GRIP2: variants seen among roughly 807,000 people sequenced by gnomAD.
GRIP2 encodes glutamate receptor interacting protein 2.
Under a neutral mutation model 108.3 loss-of-function variants are expected in GRIP2, and 58 were observed. The observed-to-expected ratio is 0.54, with a 90% CI of 0.43 to 0.67. GRIP2 has a LOEUF of 0.67. Ranked by LOEUF, GRIP2 falls within the 30% of genes least tolerant of loss-of-function variation. The pLI, the probability that GRIP2 is intolerant of heterozygous loss-of-function variation, is 0.00. For missense variants in GRIP2, 1,278 were observed against 1,430.6 expected, an observed-to-expected ratio of 0.89 and a Z score of 1.72; for synonymous variants, 586 against 598.2, an observed-to-expected ratio of 0.98 and a Z score of 0.30.
rs1694924030 is a variant in GRIP2, at chr3:14,540,004, GC to G, written c.40+264del. ...CCTTCCCCCTACAAGGCTGAGCACT[GC>G]CCTCGGAACCTCCAGACCCGCCTGT... On this transcript the variant is annotated intron_variant, in intron 1 of 23. Coordinates refer to ENST00000621039, the MANE Select transcript of GRIP2 (RefSeq NM_001080423.4). The surrounding 1 kb of genome is among the most constrained non-coding windows in gnomAD (Gnocchi z 4.1). 6.6e-6 allele frequency among the ~76,000 whole-genome samples: 1 copy of G among 152,112 alleles called. No homozygotes were observed. Among genetic ancestry groups the G allele is most frequent in the African/African-American group, 2.4e-5 (1 of 41,424 alleles).
the GRIP2 span, among the ~76,000 whole-genome samples, chr3:14,599,100 C>T: frequency 3.9e-5 from 6 of 152,328 alleles, no homozygotes; most frequent in South Asian, 8.3e-4. Flanking sequence ...TTGTCTCCCC[C>T]TCTAGAATGT....
Position 14,507,732 on chromosome 3 carries a change from G to A in GRIP2, c.2079-32C>T, listed in dbSNP as rs376992580. 1.3e-4 allele frequency: 213 copies of A among 1,600,404 alleles called. No individual in the cohort carries two copies. The highest frequency in any genetic ancestry group is 1.7e-4 in the Non-Finnish European group (204 of 1,168,630). On this transcript the variant is annotated intron_variant, in intron 17 of 23. Transcript: ENST00000621039. The surrounding 1 kb of genome is among the most constrained non-coding windows in gnomAD (Gnocchi z 4.6). ...AGTGGATGCAGGGCAGAGAATGGGAGTTAGACACTCAGGGCCTCAGAGTGG... is the reference window on the plus strand; with the variant it reads ...AGTGGATGCAGGGCAGAGAATGGGAATTAGACACTCAGGGCCTCAGAGTGG...
rs552499824 is a variant in GRIP2, at chr3:14,511,852, G to A, written c.1721-373C>T. On this transcript the variant is annotated intron_variant, in intron 14 of 23. Transcript: ENST00000621039. The surrounding 1 kb of genome is among the most constrained non-coding windows in gnomAD (Gnocchi z 4.1). The stretch of plus-strand genomic sequence containing the variant: ...TTGGTGTCTGTGTCCCCAGCACCGG[G>A]CTCAGGGCCAGCACCCAGGCTCTAT... 2.1e-4 allele frequency among the ~76,000 whole-genome samples: 32 copies of A among 152,316 alleles called. No individual in the cohort carries two copies. The highest frequency in any genetic ancestry group is 3.9e-4 in the Admixed American group (6 of 15,304).
At chr3:14,545,172 C>T (rs1313553855), upstream of GRIP2, among the ~76,000 whole-genome samples, 2 of 152,206 alleles carry the variant, frequency 1.3e-5, no homozygotes, top group Admixed American at 6.5e-5. Context: ...TTAACATAAT[C>T]GGAGCAGAGA....
chr3:14,573,163 G>A, the GRIP2 span: 1 of 1,435,644 alleles, frequency 7.0e-7, no homozygotes, highest in South Asian at 1.1e-5. Context: ...ACCACAGCCA[G>A]CAGCTTGAAG....
At chr3:14,594,994 T>TCAAGTGACGTTCC in the GRIP2 span, among the ~76,000 whole-genome samples, 1 of 152,190 alleles carries the variant, frequency 6.6e-6, no homozygotes, top group Admixed American at 6.5e-5. Flanking sequence ...ACTCCTGGGC[T>TCAAGTGACGTTCC]CAAGTGACGT....
At chr3:14,594,255 G>T in the GRIP2 span, among the ~76,000 whole-genome samples, 1 of 152,214 alleles carries the variant, frequency 6.6e-6, no homozygotes, top group Admixed American at 6.5e-5. Context: ...CTCTTTCACA[G>T]TCTTGCTAAA....
the GRIP2 span, chr3:14,574,665 T>C: frequency 6.2e-6 from 4 of 641,674 alleles, no homozygotes. Context: ...ATTCGTGTTT[T>C]CCGCCAGAAA....
At chr3:14,496,957 G>A (rs1393528523) in intron 21 of GRIP2, among the ~76,000 whole-genome samples, 5 of 137,310 alleles carry the variant, frequency 3.6e-5, no homozygotes, top group Non-Finnish European at 6.1e-5. Context: ...CCAAAGTCAA[G>A]ACTCTTTTTT....
At chr3:14,589,120 T>C in the GRIP2 span, among the ~76,000 whole-genome samples, 1 of 151,786 alleles carries the variant, frequency 6.6e-6, no homozygotes, top group African/African-American at 2.4e-5. Flanking sequence ...AACAGCCTTC[T>C]TGGGGAGCCA....
chr3:14,496,447 C>G lies in GRIP2; in HGVS notation c.2793G>C (p.Leu931=). 6.2e-7 allele frequency: 1 copy of G among 1,612,740 alleles called. No homozygotes were observed. Among genetic ancestry groups the G allele is most frequent in the Non-Finnish European group, 8.5e-7 (1 of 1,179,356 alleles). Residue 931 remains leucine, a synonymous_variant, in exon 22 of 24, where the codon CTG becomes CTC. Coordinates refer to ENST00000621039, the MANE Select transcript of GRIP2 (RefSeq NM_001080423.4). ...GCATCTCCAAGGGTGTAGGCAGCAA[C>G]AGCTCCTCCATTTCTGCAGGAGAGG... The part of the protein sequence containing the change: ...VRASPAEMEE[L]LLPTPLEMHK...
intron 9 of GRIP2, among the ~76,000 whole-genome samples, chr3:14,519,489 C>A (rs1272805413): frequency 6.6e-6 from 1 of 152,254 alleles, no homozygotes; most frequent in East Asian, 1.9e-4. Flanking sequence ...ACTTGTCCAG[C>A]TGCTGGGAGC....
chr3:14,525,496 G>A lies in GRIP2; in HGVS notation c.198C>T (p.Gly66=), dbSNP rs763359053. 4.8e-5 allele frequency: 77 copies of A among 1,613,556 alleles called. No individual in the cohort carries two copies. The highest frequency in any genetic ancestry group is 6.4e-5 in the Non-Finnish European group (75 of 1,179,850). ...CCCTGGGCTTTCCATCCTTGTCGGT[G>A]CCACCTGAGATAGTCAGGCCCAGCG... The part of the protein sequence containing the change: ...GSTLGLTISG[G]TDKDGKPRVS... The change falls in exon 3 of 24, where the codon GGC becomes GGT. Residue 66 remains glycine, a synonymous_variant. Transcript: ENST00000621039.
intron 1 of GRIP2, among the ~76,000 whole-genome samples, chr3:14,531,881 C>T (rs1016194642): frequency 5.9e-5 from 9 of 152,304 alleles, no homozygotes; most frequent in Non-Finnish European, 1.0e-4. Context: ...TGAGAAGGGA[C>T]GCACCATCAA....
chr3:14,527,419 G>GAAAGAA (rs1694590186), intron 1 of GRIP2, among the ~76,000 whole-genome samples: 1 of 57,350 alleles, frequency 1.7e-5, no homozygotes, highest in Non-Finnish European at 5.0e-5. Context: ...GGAAAGCGAG[G>GAAAGAA]GGAGGGGAGG....
intron 1 of GRIP2, among the ~76,000 whole-genome samples, chr3:14,533,872 C>G (rs892202362): frequency 7.2e-5 from 11 of 152,170 alleles, no homozygotes; most frequent in Non-Finnish European, 1.6e-4. Flanking sequence ...ATCTCTTTTC[C>G]CAGCTGTCAG....
intron 21 of GRIP2, among the ~76,000 whole-genome samples, chr3:14,497,513 G>T (rs1040341666): frequency 1.3e-5 from 2 of 152,138 alleles, no homozygotes; most frequent in Admixed American, 1.3e-4. Flanking sequence ...GTGGTGGGGG[G>T]ATCTGGAAGC....
intron 19 of GRIP2, among the ~76,000 whole-genome samples, chr3:14,506,209 G>A (rs899055175): frequency 5.3e-5 from 8 of 152,184 alleles, no homozygotes; most frequent in Admixed American, 6.5e-5. Flanking sequence ...AGCCACCTAC[G>A]GCCCGTAGAG....
intron 1 of GRIP2, among the ~76,000 whole-genome samples, chr3:14,535,593 C>T (rs757805595): frequency 5.3e-4 from 81 of 152,332 alleles, no homozygotes; most frequent in Non-Finnish European, 2.4e-4. Context: ...TCTCATTTTA[C>T]AGATGAGGAA....
Sources: gnomAD v4.1 joint callset for allele counts (sites outside exome capture counted in the v4.1 genomes callset) on GRCh38, gnomAD v4.1.1 for gene constraint, Gnocchi (gnomAD v3.1) non-coding constraint, MANE v1.5 for transcripts, NCBI Gene and HGNC (gene_info 2026-07-23, HGNC 2026-07-21) for gene names.